TRIM71: variants seen among roughly 807,000 people sequenced by gnomAD.
TRIM71 encodes E3 ubiquitin-protein ligase TRIM71.
In TRIM71, 9 loss-of-function variants were observed where a neutral mutation model predicts 61.2. The ratio of observed to expected loss-of-function variants is 0.15; its 90% CI spans 0.09 to 0.26. The LOEUF is 0.26. TRIM71 is among the 10% of genes least tolerant of loss of function. The pLI, the probability that TRIM71 is intolerant of heterozygous loss-of-function variation, is 1.00. For synonymous variants in TRIM71, 645 were observed against 553.2 expected (o/e 1.17, Z -2.33); for missense variants, 998 against 1,238.7 (o/e 0.81, Z 2.92).
intron 1 of TRIM71, among the ~76,000 whole-genome samples, chr3:32,839,977 A>G (rs377003675): frequency 4.6e-4 from 70 of 152,318 alleles, no homozygotes; most frequent in African/African-American, 8.7e-4. Flanking sequence ...TGTTCAACTA[A>G]TGTTTACAGA....
At position 32,890,406 on chromosome 3, in the gene TRIM71, T is replaced by A. The variant is rs1392709992; in HGVS notation, c.1202T>A (p.Val401Glu). ...QVKAKSLYLQ[V>E]EKLRQNLNKL... ...AAAGCCAAGTCTCTGTACCTGCAGG[T>A]GGAGAAGCTGCGGCAAAACCTCAAC... The change falls in exon 4 of 4, where the codon GTG becomes GAG. Residue 401 changes from valine to glutamate, a missense_variant. This residue lies in a region of TRIM71 where 291 missense variants were observed against 431.2 expected (regional missense o/e 0.67). Transcript: ENST00000383763. This position sits in a 1 kb window ranked among gnomAD's most constrained non-coding sequence, Gnocchi z 6.2. The A allele has an allele frequency of 2.5e-6, 4 of 1,613,872 alleles. No homozygotes were observed. Among genetic ancestry groups the A allele is most frequent in the Non-Finnish European group, 3.4e-6 (4 of 1,179,838 alleles).
Position 32,818,341 on chromosome 3 carries a change from C to T in TRIM71, c.261C>T (p.Leu87=), listed in dbSNP as rs772421173. The change falls in exon 1 of 4, where the codon CTC becomes CTT. Residue 87 remains leucine (L), a synonymous_variant. Transcript: ENST00000383763. ...AAGGGAAGEP[L]KLRCPVCDQK... ...GCGGCGGCGCGGCGGGAGAGCCGCT[C>T]AAGCTGCGCTGCCCCGTGTGCGACC... is the stretch of plus-strand genomic sequence containing the variant. The T allele has an allele frequency of 9.6e-6, 14 of 1,452,502 alleles. No homozygotes were observed. The African/African-American group carries it at 1.2e-4, about 12-fold the overall frequency. 90.0% of individuals were successfully genotyped at this position (1,452,502 alleles called of 1,614,324 possible). A position where few individuals can be genotyped will look rare whatever the true frequency, so the allele number is the denominator to read the frequency against.
In TRIM71 at chr3:32,891,991, T is replaced by A; in HGVS notation, c.*180T>A. On this transcript the variant is annotated 3_prime_UTR_variant, in exon 4 of 4. Transcript: ENST00000383763. This position sits in a 1 kb window ranked among gnomAD's most constrained non-coding sequence, Gnocchi z 8.2. Reference sequence around the variant, plus strand: ...ACAACATTGCTTAAGTCCTACCTCATCTTTATTTTTTTACAGATGAATGTA... The same window carrying A: ...ACAACATTGCTTAAGTCCTACCTCAACTTTATTTTTTTACAGATGAATGTA... 1.2e-6 allele frequency: 1 copy of A among 858,328 alleles called. No homozygotes were observed. Among genetic ancestry groups the A allele is most frequent in the Non-Finnish European group, 1.7e-6 (1 of 593,796 alleles). The allele number at this position is 858,328 out of a possible 1,614,324, so 53.2% of individuals were successfully genotyped here.
chr3:32,858,706 C>T (rs1450816251), intron 1 of TRIM71, among the ~76,000 whole-genome samples: 1 of 152,064 alleles, frequency 6.6e-6, no homozygotes, highest in Non-Finnish European at 1.5e-5. Flanking sequence ...AGGACAGAGC[C>T]AAATATTTAG....
At position 32,891,425 on chromosome 3, in the gene TRIM71, G is replaced by T. The variant is rs1186022945; in HGVS notation, c.2221G>T (p.Gly741Trp). 6.2e-7 allele frequency: 1 copy of T among 1,613,890 alleles called. No individual in the cohort carries two copies. The highest frequency in any genetic ancestry group is 8.5e-7 in the Non-Finnish European group (1 of 1,180,024). The part of the protein sequence containing the change: ...GVFLNKYGFE[G>W]ALWKHFDSPR... ...CTTCCTAAACAAGTATGGCTTCGAGGGGGCTCTCTGGAAGCACTTTGACTC... is the reference window on the plus strand; with the variant it reads ...CTTCCTAAACAAGTATGGCTTCGAGTGGGCTCTCTGGAAGCACTTTGACTC... Residue 741 changes from glycine to tryptophan, a missense_variant, in exon 4 of 4, where the codon GGG becomes TGG. Gly to Trp is a radical substitution (Grantham distance 184). Coordinates refer to ENST00000383763, the MANE Select transcript of TRIM71 (RefSeq NM_001039111.3). This position sits in a 1 kb window ranked among gnomAD's most constrained non-coding sequence, Gnocchi z 8.2.
At chr3:32,862,906 G>A (rs1475517587) in intron 1 of TRIM71, among the ~76,000 whole-genome samples, 1 of 152,276 alleles carries the variant, frequency 6.6e-6, no homozygotes, top group African/African-American at 2.4e-5. Context: ...CCTCCAGGGA[G>A]GTTGCCTCTT....
At chr3:32,866,649 A>T (rs914374068) in intron 1 of TRIM71, among the ~76,000 whole-genome samples, 1 of 152,076 alleles carries the variant, frequency 6.6e-6, no homozygotes, top group Non-Finnish European at 1.5e-5. Flanking sequence ...GTGTCGATGG[A>T]AAATAATTCA....
chr3:32,855,986 A>G (rs1273816390), intron 1 of TRIM71, among the ~76,000 whole-genome samples: 2 of 145,478 alleles, frequency 1.4e-5, no homozygotes, highest in Non-Finnish European at 3.0e-5. Flanking sequence ...GTTTTCTCTA[A>G]TAGTTTTATT....
intron 1 of TRIM71, among the ~76,000 whole-genome samples, chr3:32,840,595 A>G (rs1042263699): frequency 6.6e-6 from 1 of 152,178 alleles, no homozygotes; most frequent in African/African-American, 2.4e-5. Flanking sequence ...TTCCTCCGAC[A>G]GGGCATGCAG....
chr3:32,887,344 T>C (rs1696972316), intron 3 of TRIM71, among the ~76,000 whole-genome samples: 2 of 152,128 alleles, frequency 1.3e-5, no homozygotes, highest in South Asian at 2.1e-4. Context: ...CCCTTCTTCA[T>C]TGTAGTAAGC....
chr3:32,887,266 C>G (rs1478949496), intron 3 of TRIM71, among the ~76,000 whole-genome samples: 1 of 152,168 alleles, frequency 6.6e-6, no homozygotes. Context: ...TCTCTAAAGG[C>G]AGTTCTGTTT....
intron 1 of TRIM71, among the ~76,000 whole-genome samples, chr3:32,866,326 G>A (rs1215283797): frequency 6.6e-6 from 1 of 151,954 alleles, no homozygotes; most frequent in African/African-American, 2.4e-5. Context: ...TCGCCTCACT[G>A]CAATCTCTGC....
rs529498126 is a variant in TRIM71, at chr3:32,825,949, C to A, written c.852+7017C>A. On this transcript the variant is annotated intron_variant, in intron 1 of 3. Coordinates refer to ENST00000383763, the MANE Select transcript of TRIM71 (RefSeq NM_001039111.3). The stretch of plus-strand genomic sequence containing the variant: ...AAACCAGATTGACTGTTTTGATTGA[C>A]AAGACTCTGACTTGTCAACCTAAAA... Among the ~76,000 whole-genome samples, 6 of 152,260 alleles carry A rather than the reference C, an allele frequency of 3.9e-5. No individual in the cohort carries two copies. The East Asian group carries it at 1.2e-3, about 29-fold the overall frequency.
chr3:32,832,975 C>A (rs1252279367), intron 1 of TRIM71, among the ~76,000 whole-genome samples: 1 of 151,794 alleles, frequency 6.6e-6, no homozygotes, highest in African/African-American at 2.4e-5. Context: ...GAGTTCTAGA[C>A]CAGCCTGGCC....
At position 32,897,533 on chromosome 3, in the gene TRIM71, T is replaced by C. The variant is rs1355950900; in HGVS notation, c.*5722T>C. 1.3e-5 allele frequency: 2 copies of C among 152,188 alleles called. No individual in the cohort carries two copies. The highest frequency in any genetic ancestry group is 3.8e-4 in the East Asian group (2 of 5,200). The allele number at this position is 152,188 out of a possible 1,614,324, so 9.4% of individuals were successfully genotyped here. ...TTTTGGGTTTTTTTCCCCCCTCCTC[T>C]TTTGGCTTTCACATTTTAAATCTTA... On this transcript the variant is annotated 3_prime_UTR_variant, in exon 4 of 4. Coordinates refer to ENST00000383763, the MANE Select transcript of TRIM71 (RefSeq NM_001039111.3).
chr3:32,874,509 T>C (rs1696834126), intron 2 of TRIM71, among the ~76,000 whole-genome samples: 1 of 151,812 alleles, frequency 6.6e-6, no homozygotes, highest in African/African-American at 2.4e-5. Flanking sequence ...ATTACAGGCG[T>C]GCACCACTGC....
intron 2 of TRIM71, among the ~76,000 whole-genome samples, 194 bp downstream of exon 2, chr3:32,874,179 CAA>C (rs1022565734): frequency 6.6e-6 from 1 of 151,976 alleles, no homozygotes; most frequent in Non-Finnish European, 1.5e-5. Context: ...GGGATGTGGC[CAA>C]AGTTACTGGT....
intron 1 of TRIM71, among the ~76,000 whole-genome samples, chr3:32,856,837 T>C (rs1446309681): frequency 6.6e-6 from 1 of 152,230 alleles, no homozygotes; most frequent in Non-Finnish European, 1.5e-5. Context: ...CCTTACGGGC[T>C]CATGACCACG....
In TRIM71 at chr3:32,849,503, C is replaced by T. The variant is rs1228819276; in HGVS notation, c.853-24315C>T. On this transcript the variant is annotated intron_variant, in intron 1 of 3. Transcript: ENST00000383763. The stretch of plus-strand genomic sequence containing the variant: ...CTTCCCCAGTAGCTGGGATTACAGG[C>T]GTGCACCACCACGTCCAGCTAATTT... Among the ~76,000 whole-genome samples the T allele has an allele frequency of 6.6e-5, 10 of 152,250 alleles. No homozygotes were observed. The South Asian group carries it at 8.3e-4, about 13-fold the overall frequency.
Sources: allele counts gnomAD v4.1 joint callset (sites outside exome capture counted in the v4.1 genomes callset), GRCh38; gene constraint gnomAD v4.1.1; regional missense constraint gnomAD v4.1.1; non-coding constraint Gnocchi (gnomAD v3.1); transcripts MANE v1.5; gene names NCBI Gene and HGNC (gene_info 2026-07-23, HGNC 2026-07-21).